ARHGEF3: variants seen among roughly 807,000 people sequenced by gnomAD.
The protein encoded by ARHGEF3 is 59.8 kDA protein.
A neutral mutation model predicts 63.2 loss-of-function variants in ARHGEF3; 28 were observed. The ratio of observed to expected loss-of-function variants is 0.44; its 90% CI spans 0.33 to 0.61. The LOEUF (loss-of-function observed/expected upper bound fraction) is 0.61, where lower values mean the gene tolerates loss of function less well. ARHGEF3 is among the 20% of genes least tolerant of loss of function. The pLI is 0.03. For missense variants in ARHGEF3, 533 were observed against 659.3 expected, an observed-to-expected ratio of 0.81 and a Z score of 2.10; for synonymous variants, 266 against 254.2, an observed-to-expected ratio of 1.05 and a Z score of -0.44.
chr3:56,808,804 T>C (rs376266377), intron 4 of ARHGEF3, among the ~76,000 whole-genome samples: 20 of 152,162 alleles, frequency 1.3e-4, no homozygotes, highest in Non-Finnish European at 1.8e-4. Flanking sequence ...TTTTGATTGA[T>C]TGTCAGTGGA....
chr3:57,038,476 G>C (rs1462980500), intron 1 of ARHGEF3, among the ~76,000 whole-genome samples: 1 of 152,074 alleles, frequency 6.6e-6, no homozygotes, highest in Non-Finnish European at 1.5e-5. Context: ...GCAGAGTCTT[G>C]CTGTTGCCCA....
intron 4 of ARHGEF3, among the ~76,000 whole-genome samples, chr3:56,850,980 G>C (rs1018674966): frequency 2.6e-5 from 4 of 152,158 alleles, no homozygotes; most frequent in Non-Finnish European, 5.9e-5. Flanking sequence ...CTAGTAAGTG[G>C]TAGAGTGAAG....
intron 3 of ARHGEF3, among the ~76,000 whole-genome samples, chr3:56,926,996 G>A (rs561145784): frequency 7.0e-4 from 106 of 152,300 alleles, no homozygotes; most frequent in Non-Finnish European, 1.3e-3. Flanking sequence ...CAGCCGGGGT[G>A]GTGAGGGCAT....
intron 2 of ARHGEF3, among the ~76,000 whole-genome samples, chr3:57,017,262 G>C (rs924661745): frequency 6.6e-6 from 1 of 152,094 alleles, no homozygotes; most frequent in Non-Finnish European, 1.5e-5. Context: ...GAGGTTGGGG[G>C]AAGGGTAGGG....
intron 1 of ARHGEF3, among the ~76,000 whole-genome samples, chr3:57,038,169 G>A (rs1704038747): frequency 1.3e-5 from 2 of 152,224 alleles, no homozygotes; most frequent in Admixed American, 1.3e-4. Context: ...ATTTGGCCTG[G>A]GAGTCTGTGT....
At chr3:56,744,306 C>G (rs2034237377) in intron 7 of ARHGEF3, among the ~76,000 whole-genome samples, 2 of 152,024 alleles carry the variant, frequency 1.3e-5, no homozygotes, top group South Asian at 4.1e-4. Context: ...TTACAATATT[C>G]TCATGATGTG....
chr3:57,047,055 T>G (rs1704483344), intron 1 of ARHGEF3, among the ~76,000 whole-genome samples: 1 of 152,138 alleles, frequency 6.6e-6, no homozygotes, highest in Non-Finnish European at 1.5e-5. Flanking sequence ...GGTTCCAAAA[T>G]TAGACTACTG....
At chr3:56,742,840 T>A (rs1450059173) in intron 7 of ARHGEF3, among the ~76,000 whole-genome samples, 2 of 152,228 alleles carry the variant, frequency 1.3e-5, no homozygotes, top group African/African-American at 4.8e-5. Context: ...GGAAAACTGG[T>A]TACTGGCACA....
intron 8 of ARHGEF3, among the ~76,000 whole-genome samples, chr3:56,733,548 C>T (rs1289539773): frequency 4.6e-5 from 7 of 151,836 alleles, no homozygotes; most frequent in Non-Finnish European, 5.9e-5. Context: ...TATATCAAAG[C>T]TAATATTAAT....
chr3:56,763,228 A>G (rs2035520303), intron 2 of ARHGEF3, among the ~76,000 whole-genome samples: 1 of 152,164 alleles, frequency 6.6e-6, no homozygotes, highest in Admixed American at 6.5e-5. Flanking sequence ...AAGATAAAGT[A>G]CACAAGAGGC....
At chr3:56,818,185 A>T (rs1264221921) in intron 4 of ARHGEF3, among the ~76,000 whole-genome samples, 1 of 152,220 alleles carries the variant, frequency 6.6e-6, no homozygotes, top group Non-Finnish European at 1.5e-5. Flanking sequence ...ACCAAACAGA[A>T]CTGGGTGACC....
rs539733570 is a variant in ARHGEF3 at position 56,861,873 on chromosome 3, T to G, written c.192+20419A>C. ...AGCCTTCTAACCTGTTGGTTTTTTTTTTTTTTTTTAACTCTCTCTCTACCA... is the reference window on the plus strand; with the variant it reads ...AGCCTTCTAACCTGTTGGTTTTTTTGTTTTTTTTTAACTCTCTCTCTACCA... On this transcript the variant is annotated intron_variant, in intron 4 of 12. Coordinates refer to the ARHGEF3 transcript ENST00000338458. Among the ~76,000 whole-genome samples the G allele has an allele frequency of 2.0e-5, 3 of 151,978 alleles. 1 individual carries two copies. In the South Asian group the frequency reaches 6.2e-4, roughly 32 times the overall value.
intron 1 of ARHGEF3, among the ~76,000 whole-genome samples, chr3:56,798,677 G>A (rs1033147708): frequency 2.1e-4 from 32 of 152,006 alleles, no homozygotes; most frequent in African/African-American, 4.3e-4. Flanking sequence ...GGTGTTTAGC[G>A]CAGCTATGTA....
chr3:56,991,682 G>A (rs567749846), intron 2 of ARHGEF3, among the ~76,000 whole-genome samples: 4 of 152,190 alleles, frequency 2.6e-5, no homozygotes, highest in African/African-American at 4.8e-5. Flanking sequence ...TGGCACGATC[G>A]CAGTTCACTG....
intron 4 of ARHGEF3, among the ~76,000 whole-genome samples, chr3:56,875,778 C>T (rs1158653604): frequency 6.6e-6 from 1 of 152,226 alleles, no homozygotes; most frequent in African/African-American, 2.4e-5. Context: ...GTTTATTCAG[C>T]ACCTGCTACG....
At chr3:56,974,945 C>A (rs1323716916) in intron 2 of ARHGEF3, among the ~76,000 whole-genome samples, 1 of 152,166 alleles carries the variant, frequency 6.6e-6, no homozygotes, top group African/African-American at 2.4e-5. Flanking sequence ...CACGCACCGA[C>A]ACTGAGGGCC....
chr3:56,740,526 A>C (rs192908320), intron 7 of ARHGEF3, among the ~76,000 whole-genome samples: 3 of 152,244 alleles, frequency 2.0e-5, no homozygotes, highest in African/African-American at 4.8e-5. Context: ...TACTAAAGCC[A>C]TGACTCATCC....
intron 4 of ARHGEF3, among the ~76,000 whole-genome samples, chr3:56,848,534 G>C (rs1274708363): frequency 1.3e-5 from 2 of 152,128 alleles, no homozygotes; most frequent in Non-Finnish European, 2.9e-5. Flanking sequence ...AAATGTAGGA[G>C]CTCAACAAAA....
At chr3:56,742,044 G>A (rs2034072576) in intron 7 of ARHGEF3, among the ~76,000 whole-genome samples, 1 of 152,174 alleles carries the variant, frequency 6.6e-6, no homozygotes, top group South Asian at 2.1e-4. Context: ...TCCTCAAAGT[G>A]GACTCTGAAA....
Sources: gnomAD v4.1 joint callset for allele counts (sites outside exome capture counted in the v4.1 genomes callset) on GRCh38, gnomAD v4.1.1 for gene constraint, MANE v1.5 for transcripts, NCBI Gene and HGNC (gene_info 2026-07-23, HGNC 2026-07-21) for gene names.